The following HTR1E variants were observed in gnomAD, a reference collection of about 807,000 sequenced individuals.
The protein encoded by HTR1E is 5-HT-1E.
In HTR1E, 3 loss-of-function variants were observed where a neutral mutation model predicts 3.4. That is an observed-to-expected ratio of 0.89 (90% CI 0.41 to 2.31). The LOEUF (loss-of-function observed/expected upper bound fraction) is 2.31. Ranked by LOEUF, HTR1E falls within the 30% of genes most tolerant of loss-of-function variation. HTR1E has a pLI of 0.05. For synonymous variants in HTR1E, 170 were observed against 182.8 expected, an observed-to-expected ratio of 0.93 and a Z score of 0.56; for missense variants, 392 against 467.0, an observed-to-expected ratio of 0.84 and a Z score of 1.48.
At chr6:86,987,671 T>C (rs1049863736) in intron 1 of HTR1E, among the ~76,000 whole-genome samples, 4 of 152,148 alleles carry the variant, frequency 2.6e-5, no homozygotes, top group South Asian at 4.1e-4. Flanking sequence ...AATAGCAAGA[T>C]GGGTAATTTA....
chr6:86,946,883 A>G (rs55950541), intron 1 of HTR1E, among the ~76,000 whole-genome samples: 35,804 of 152,052 alleles, frequency 0.24, 5,053 homozygotes, highest in African/African-American at 0.39. Context: ...TTGGGAAGCC[A>G]AGACAGGCGG....
intron 1 of HTR1E, among the ~76,000 whole-genome samples, chr6:86,940,245 G>T (rs1361532614): frequency 6.6e-6 from 1 of 151,992 alleles, no homozygotes; most frequent in East Asian, 1.9e-4. Context: ...CAAATGAAAA[G>T]TAGATCTCAG....
intron 1 of HTR1E, among the ~76,000 whole-genome samples, chr6:86,996,036 T>G (rs1767935844): frequency 1.3e-5 from 2 of 152,056 alleles, no homozygotes; most frequent in Non-Finnish European, 2.9e-5. Context: ...ACTGGAGACT[T>G]CCATACCCCA....
At chr6:86,945,173 T>C (rs1421137440) in intron 1 of HTR1E, among the ~76,000 whole-genome samples, 1 of 152,158 alleles carries the variant, frequency 6.6e-6, no homozygotes. Flanking sequence ...GATGTGTAAA[T>C]AGATACAGTG....
At chr6:86,945,790 A>G (rs1434725652) in intron 1 of HTR1E, among the ~76,000 whole-genome samples, 3 of 151,874 alleles carry the variant, frequency 2.0e-5, no homozygotes, top group African/African-American at 7.3e-5. Flanking sequence ...ACTGGAGTGC[A>G]GTGGCGTGGT....
intron 1 of HTR1E, among the ~76,000 whole-genome samples, chr6:86,964,272 A>T (rs1282868214): frequency 6.6e-6 from 1 of 151,526 alleles, no homozygotes; most frequent in Non-Finnish European, 1.5e-5. Flanking sequence ...AACACATAAG[A>T]CAAATCAGGA....
intron 1 of HTR1E, among the ~76,000 whole-genome samples, chr6:86,962,001 T>G (rs1767415040): frequency 6.6e-6 from 1 of 152,228 alleles, no homozygotes; most frequent in Non-Finnish European, 1.5e-5. Flanking sequence ...AGTCACAGGC[T>G]GACATCCACA....
chr6:86,980,026 A>T (rs1332567179), intron 1 of HTR1E, among the ~76,000 whole-genome samples: 1 of 152,174 alleles, frequency 6.6e-6, no homozygotes, highest in African/African-American at 2.4e-5. Context: ...CTCACTGACC[A>T]AATCCAAACA....
chr6:87,001,418 C>T (rs1056198088), intron 1 of HTR1E, among the ~76,000 whole-genome samples: 11 of 152,116 alleles, frequency 7.2e-5, no homozygotes, highest in Admixed American at 5.2e-4. Context: ...CTACAAGAAA[C>T]ACACTTTGTT....
intron 1 of HTR1E, among the ~76,000 whole-genome samples, chr6:86,950,364 G>C (rs1767218836): frequency 6.6e-6 from 1 of 152,088 alleles, no homozygotes; most frequent in Non-Finnish European, 1.5e-5. Flanking sequence ...ACAAAGTTCT[G>C]ATAGAGATGA....
chr6:86,940,251 C>T (rs1401259883), intron 1 of HTR1E, among the ~76,000 whole-genome samples: 2 of 152,040 alleles, frequency 1.3e-5, no homozygotes, highest in African/African-American at 4.8e-5. Flanking sequence ...AAAAGTAGAT[C>T]TCAGCCAGGC....
chr6:87,015,958 G>A lies in HTR1E; in HGVS notation c.624G>A (p.Ala208=), dbSNP rs768163563. The change falls in exon 2 of 2, where the codon GCG becomes GCA. Residue 208 remains alanine (A), a synonymous_variant. Coordinates refer to ENST00000305344, the MANE Select transcript of HTR1E (RefSeq NM_000865.3). Reference sequence around the variant, plus strand: ...TTCTCTATTACCGGATTTACCACGCGGCCAAGAGCCTTTACCAGAAAAGGG... The same window carrying A: ...TTCTCTATTACCGGATTTACCACGCAGCCAAGAGCCTTTACCAGAAAAGGG... ...ILILYYRIYH[A]AKSLYQKRGS... is the part of the protein sequence containing the mutation. 1.1e-5 allele frequency: 17 copies of A among 1,613,972 alleles called. No individual in the cohort carries two copies. In the Admixed American group the frequency reaches 1.2e-4, roughly 11 times the overall value.
At chr6:86,947,140 T>C (rs561388710) in intron 1 of HTR1E, among the ~76,000 whole-genome samples, 21 of 152,164 alleles carry the variant, frequency 1.4e-4, no homozygotes, top group African/African-American at 5.1e-4. Context: ...ACAGAGAAGG[T>C]TTCCATGTAT....
intron 1 of HTR1E, among the ~76,000 whole-genome samples, chr6:86,954,620 G>A (rs2127818777): frequency 6.6e-6 from 1 of 152,302 alleles, no homozygotes; most frequent in African/African-American, 2.4e-5. Flanking sequence ...GAGGATGAGA[G>A]ACTCAGGAGA....
intron 1 of HTR1E, among the ~76,000 whole-genome samples, chr6:86,958,359 G>A (rs563401780): frequency 2.6e-5 from 4 of 152,296 alleles, no homozygotes; most frequent in South Asian, 4.1e-4. Flanking sequence ...AGAAGCCCAT[G>A]TGCCTATACT....
At chr6:86,998,139 A>G (rs1767971096) in intron 1 of HTR1E, among the ~76,000 whole-genome samples, 1 of 152,090 alleles carries the variant, frequency 6.6e-6, no homozygotes, top group Non-Finnish European at 1.5e-5. Context: ...ACCCACAATT[A>G]TAGTTGGAGA....
intron 1 of HTR1E, among the ~76,000 whole-genome samples, chr6:86,989,187 T>C (rs1227943019): frequency 6.6e-6 from 1 of 152,116 alleles, no homozygotes; most frequent in Non-Finnish European, 1.5e-5. Context: ...CCACACTGCC[T>C]CCCAGATGTC....
intron 1 of HTR1E, chr6:86,970,655 C>A (rs768830765): frequency 6.2e-6 from 1 of 160,698 alleles, no homozygotes; most frequent in South Asian, 1.7e-4. Flanking sequence ...AATGGAGATT[C>A]GAATGGCCAG....
chr6:86,984,042 T>G (rs1178994491), intron 1 of HTR1E, among the ~76,000 whole-genome samples: 1 of 152,162 alleles, frequency 6.6e-6, no homozygotes, highest in Non-Finnish European at 1.5e-5. Context: ...CATTTATTTT[T>G]GGAGGTACTC....
Sources: allele counts gnomAD v4.1 joint callset (sites outside exome capture counted in the v4.1 genomes callset), GRCh38; gene constraint gnomAD v4.1.1; transcripts MANE v1.5; gene names NCBI Gene and HGNC (gene_info 2026-07-23, HGNC 2026-07-21).